Variants in KIAA1217 observed in about 807,000 individuals in gnomAD.
The protein encoded by KIAA1217 is sickle tail protein homolog.
Under a neutral mutation model 163.9 loss-of-function variants are expected in KIAA1217, and 88 were observed. The ratio of observed to expected loss-of-function variants is 0.54; its 90% CI spans 0.45 to 0.64. The LOEUF (loss-of-function observed/expected upper bound fraction) is 0.64, where lower values mean the gene tolerates loss of function less well. KIAA1217 is among the 30% of genes least tolerant of loss of function. The pLI, the probability that KIAA1217 is intolerant of heterozygous loss-of-function variation, is 0.00. For missense variants in KIAA1217, 2,372 were observed against 2,475.0 expected (o/e 0.96, Z 0.88); for synonymous variants, 903 against 923.1 (o/e 0.98, Z 0.39).
intron 2 of KIAA1217, among the ~76,000 whole-genome samples, chr10:24,090,109 G>C (rs2131680881): frequency 6.7e-6 from 1 of 150,102 alleles, no homozygotes; most frequent in Non-Finnish European, 1.5e-5. Context: ...CTGCTCAGTT[G>C]CTGGAATTTA....
At position 24,546,342 on chromosome 10, in the gene KIAA1217, G is replaced by A; in HGVS notation, c.*18G>A. On this transcript the variant is annotated 3_prime_UTR_variant, in exon 21 of 21. Coordinates refer to ENST00000376454, the MANE Select transcript of KIAA1217 (RefSeq NM_019590.5). The stretch of plus-strand genomic sequence containing the variant: ...CCTCTTAAAGGTCAAATCCTATTAG[G>A]CACAAGTCGGAGTTACATTTAAAAA... The A allele has an allele frequency of 6.4e-7, 1 of 1,558,258 alleles. No individual in the cohort carries two copies. Among genetic ancestry groups the A allele is most frequent in the Non-Finnish European group, 8.7e-7 (1 of 1,154,220 alleles).
At chr10:24,411,185 G>A (rs574901927) in intron 3 of KIAA1217, among the ~76,000 whole-genome samples, 2 of 152,226 alleles carry the variant, frequency 1.3e-5, no homozygotes, top group African/African-American at 4.8e-5. Context: ...CTCTTCACTT[G>A]ATCAATATTT....
chr10:23,857,449 C>T (rs558189509), intron 1 of KIAA1217, among the ~76,000 whole-genome samples: 2 of 152,294 alleles, frequency 1.3e-5, no homozygotes, highest in South Asian at 2.1e-4. Flanking sequence ...CAGGCCCTGT[C>T]ATTAATAATG....
At chr10:24,455,879 G>A (rs543461551) in intron 5 of KIAA1217, among the ~76,000 whole-genome samples, 1 of 152,272 alleles carries the variant, frequency 6.6e-6, no homozygotes, top group East Asian at 1.9e-4. Flanking sequence ...GAATAGGAAT[G>A]AGGAAAAGTA....
At chr10:23,826,246 C>T (rs1328363970) in intron 1 of KIAA1217, among the ~76,000 whole-genome samples, 12 of 151,860 alleles carry the variant, frequency 7.9e-5, no homozygotes, top group Non-Finnish European at 1.5e-4. Context: ...AATAAAAATG[C>T]TTTTTAAAAA....
At chr10:24,545,790 T>C (rs1296308295) in intron 20 of KIAA1217, 37 bp from the exon 21 acceptor site, 1 of 1,550,422 alleles carries the variant, frequency 6.4e-7, no homozygotes, top group African/African-American at 1.4e-5. Flanking sequence ...TGTGACCGCC[T>C]TTCTGACAAA....
intron 3 of KIAA1217, among the ~76,000 whole-genome samples, chr10:24,396,872 C>T (rs1408547602): frequency 2.0e-5 from 3 of 152,112 alleles, no homozygotes; most frequent in Admixed American, 2.0e-4. Flanking sequence ...ATCAGTGGCG[C>T]CACTTCAGAT....
chr10:23,944,109 CA>C (rs1221932859), intron 1 of KIAA1217, among the ~76,000 whole-genome samples: 3 of 152,062 alleles, frequency 2.0e-5, no homozygotes, highest in Non-Finnish European at 2.9e-5. Context: ...AACTTCTCAT[CA>C]AAAGATAATG....
rs2135552178 is a variant in KIAA1217, at chr10:24,546,335, C to T, written c.*11C>T. The T allele has an allele frequency of 6.4e-7, 1 of 1,568,588 alleles. No homozygotes were observed. The highest frequency in any genetic ancestry group is 1.2e-5 in the South Asian group (1 of 84,700). On this transcript the variant is annotated 3_prime_UTR_variant, in exon 21 of 21. Transcript: ENST00000376454. ...AAAGAAACCTCTTAAAGGTCAAATC[C>T]TATTAGGCACAAGTCGGAGTTACAT...
intron 1 of KIAA1217, among the ~76,000 whole-genome samples, chr10:23,708,034 A>G (rs1450804239): frequency 6.6e-6 from 1 of 152,192 alleles, no homozygotes. Context: ...TTATAAAGAA[A>G]AATAAGTTTA....
intron 3 of KIAA1217, among the ~76,000 whole-genome samples, chr10:24,386,098 AT>A (rs2053971122): frequency 2.0e-5 from 3 of 152,308 alleles, no homozygotes; most frequent in Non-Finnish European, 2.9e-5. Flanking sequence ...ATGCAGACAG[AT>A]TCCTTTGTTG....
intron 1 of KIAA1217, among the ~76,000 whole-genome samples, chr10:23,937,535 A>T (rs1843583405): frequency 6.6e-6 from 1 of 152,140 alleles, no homozygotes; most frequent in Admixed American, 6.5e-5. Flanking sequence ...CACCTTACCT[A>T]GCCCCACTAT....
intron 1 of KIAA1217, among the ~76,000 whole-genome samples, chr10:23,969,708 A>T (rs905003082): frequency 1.3e-5 from 2 of 152,162 alleles, no homozygotes; most frequent in Non-Finnish European, 2.9e-5. Context: ...TGGTTTTCAG[A>T]TATTCACTCT....
chr10:24,482,472 G>A (rs544637345), intron 6 of KIAA1217: 1 of 152,206 alleles, frequency 6.6e-6, no homozygotes, highest in Non-Finnish European at 1.5e-5. Context: ...ATGCAGAATC[G>A]TGGGGTTCCC....
At chr10:24,533,584 A>C (rs2073463342) in intron 16 of KIAA1217, among the ~76,000 whole-genome samples, 1 of 152,256 alleles carries the variant, frequency 6.6e-6, no homozygotes, top group Non-Finnish European at 1.5e-5. Flanking sequence ...TGTCTTGATA[A>C]GGACAGACTG....
At chr10:24,085,080 A>AT (rs1292753004) in intron 2 of KIAA1217, among the ~76,000 whole-genome samples, 2 of 151,634 alleles carry the variant, frequency 1.3e-5, no homozygotes, top group African/African-American at 4.8e-5. Flanking sequence ...CGCTCGGCTA[A>AT]TTTTTTTGTA....
At chr10:24,014,341 T>G (rs146454718) in intron 2 of KIAA1217, among the ~76,000 whole-genome samples, 1 of 152,176 alleles carries the variant, frequency 6.6e-6, no homozygotes, top group Admixed American at 6.5e-5. Flanking sequence ...TATTCAGGCA[T>G]AAGGTAATTT....
In KIAA1217 at chr10:24,309,113, ACT is replaced by A. The variant is rs577557284; in HGVS notation, c.355-71753_355-71752del. On this transcript the variant is annotated intron_variant, in intron 2 of 20. Transcript: ENST00000376454. ...ACTGCAGCCTGGGTGACAGAGCAAG[ACT>A]CTGTCAAAAAAAAAAAAAAAAAAAG... Among the ~76,000 whole-genome samples the A allele has an allele frequency of 2.3e-3, 160 of 68,094 alleles. No homozygotes were observed. The South Asian group carries it at 0.047, about 20-fold the overall frequency. 44.7% of individuals were successfully genotyped at this position (68,094 alleles called of 152,430 possible).
In KIAA1217 at chr10:24,091,705, C is replaced by A. The variant is rs574586823; in HGVS notation, c.-171+84331C>A. Among the ~76,000 whole-genome samples, 33 of 151,928 alleles carry A rather than the reference C, an allele frequency of 2.2e-4. 1 individual carries two copies. Among genetic ancestry groups the A allele is most frequent in the African/African-American group, 7.3e-4 (30 of 41,216 alleles). ...ACATACCTCTGAGGATAAATAGTAA[C>A]AATCTGCTGAACTTGCAGCTTTGCT... On this transcript the variant is annotated intron_variant, in intron 2 of 18. Transcript: ENST00000376462.
Sources: gnomAD v4.1 joint callset for allele counts (sites outside exome capture counted in the v4.1 genomes callset) on GRCh38, gnomAD v4.1.1 for gene constraint, MANE v1.5 for transcripts, NCBI Gene and HGNC (gene_info 2026-07-23, HGNC 2026-07-21) for gene names.